Variants in RPTOR observed in about 807,000 individuals in gnomAD.
RPTOR encodes regulatory-associated protein of mTOR.
A neutral mutation model predicts 169.9 loss-of-function variants in RPTOR; 21 were observed. The observed-to-expected ratio is 0.12, with a 90% confidence interval of 0.09 to 0.18. The LOEUF is 0.18. RPTOR is among the 10% of genes least tolerant of loss of function. The probability of loss-of-function intolerance (pLI) is 1.00; values close to 1 mark genes in which losing one functional copy is unlikely to be tolerated. For synonymous variants in RPTOR, 732 were observed against 753.2 expected (o/e 0.97, Z 0.46); for missense variants, 1,133 against 1,855.9 (o/e 0.61, Z 7.16).
At position 80,960,429 on chromosome 17, in the gene RPTOR, C is replaced by G. The variant is rs948017520; in HGVS notation, c.3605+224C>G. 2.0e-5 allele frequency among the ~76,000 whole-genome samples: 3 copies of G among 152,240 alleles called. No homozygotes were observed. Among genetic ancestry groups the G allele is most frequent in the African/African-American group, 7.2e-5 (3 of 41,466 alleles). On this transcript the variant is annotated intron_variant, in intron 30 of 33. Transcript: ENST00000306801. The surrounding 1 kb of genome is among the most constrained non-coding windows in gnomAD (Gnocchi z 4.8). ...AAGGTCTGCCCCACAGAGGTCCACCCCACAGCCTATGGAGGAGCACAGGGG... is the reference window on the plus strand; with the variant it reads ...AAGGTCTGCCCCACAGAGGTCCACCGCACAGCCTATGGAGGAGCACAGGGG...
At chr17:80,848,879 C>A (rs2067761683) in intron 11 of RPTOR, among the ~76,000 whole-genome samples, 1 of 152,248 alleles carries the variant, frequency 6.6e-6, no homozygotes, top group Non-Finnish European at 1.5e-5. Context: ...AGAAGACGTG[C>A]TGGAGGCAGC....
intron 3 of RPTOR, among the ~76,000 whole-genome samples, chr17:80,674,461 G>A (rs1263354239): frequency 6.6e-6 from 1 of 152,202 alleles, no homozygotes; most frequent in Non-Finnish European, 1.5e-5. Context: ...ATGAAGAACT[G>A]GGGATTCTAG....
At chr17:80,672,389 T>C (rs905578042) in intron 3 of RPTOR, among the ~76,000 whole-genome samples, 1 of 148,092 alleles carries the variant, frequency 6.8e-6, no homozygotes, top group African/African-American at 2.5e-5. Flanking sequence ...TTTTTTTAAA[T>C]GGTTACCTCA....
In RPTOR at chr17:80,876,144, GCCGGGTCTT is replaced by G. The variant is rs1225042444; in HGVS notation, c.1510-4268_1510-4260del. On this transcript the variant is annotated intron_variant, in intron 13 of 33. Coordinates refer to ENST00000306801, the MANE Select transcript of RPTOR (RefSeq NM_020761.3). Reference sequence around the variant, plus strand: ...GCTGCCCAGGATGTGTGTGTCACCTGCCGGGTCTTCCACCGAGCCCGTGCCACGCAGGGT... The same window carrying G: ...GCTGCCCAGGATGTGTGTGTCACCTGCCACCGAGCCCGTGCCACGCAGGGT... Among the ~76,000 whole-genome samples, 26 of 136,136 alleles carry G rather than the reference GCCGGGTCTT, an allele frequency of 1.9e-4. 1 individual carries two copies. The highest frequency in any genetic ancestry group is 4.5e-4 in the East Asian group (2 of 4,398). The allele number at this position is 136,136 out of a possible 152,430, so 89.3% of individuals were successfully genotyped here.
intron 10 of RPTOR, among the ~76,000 whole-genome samples, chr17:80,838,426 C>G (rs535901946): frequency 6.6e-6 from 1 of 152,306 alleles, no homozygotes; most frequent in African/African-American, 2.4e-5. Flanking sequence ...ACTGCACGGG[C>G]GCTGGAGAGC....
rs551306138 is a variant in RPTOR at position 80,844,669 on chromosome 17, C to CT, written c.1213-1803dup. Reference sequence around the variant, plus strand: ...ATTCCTACGTGGTGAATGTTCTCGGCTGACTTTTTAAGTCGGGCCACGGGG... The same window carrying CT: ...ATTCCTACGTGGTGAATGTTCTCGGCTTGACTTTTTAAGTCGGGCCACGGGG... On this transcript the variant is annotated intron_variant, in intron 10 of 33. Coordinates refer to ENST00000306801, the MANE Select transcript of RPTOR (RefSeq NM_020761.3). The surrounding 1 kb of genome is among the most constrained non-coding windows in gnomAD (Gnocchi z 4.7). Among the ~76,000 whole-genome samples the CT allele has an allele frequency of 2.9e-3, 448 of 152,364 alleles. No individual in the cohort carries two copies. The highest frequency in any genetic ancestry group is 5.5e-3 in the Non-Finnish European group (375 of 68,044).
intron 3 of RPTOR, among the ~76,000 whole-genome samples, chr17:80,649,177 A>G (rs909444786): frequency 3.9e-5 from 6 of 152,192 alleles, no homozygotes; most frequent in Non-Finnish European, 7.3e-5. Flanking sequence ...AAGTTGCCCT[A>G]GGACAGTACT....
intron 3 of RPTOR, among the ~76,000 whole-genome samples, chr17:80,692,911 G>A (rs945934813): frequency 6.6e-6 from 1 of 152,176 alleles, no homozygotes; most frequent in South Asian, 2.1e-4. Flanking sequence ...TCTTCTGTAG[G>A]TCACCACTGA....
intron 10 of RPTOR, among the ~76,000 whole-genome samples, chr17:80,840,663 CAG>C (rs2067628065): frequency 8.4e-6 from 1 of 119,482 alleles, no homozygotes; most frequent in Non-Finnish European, 1.9e-5. Flanking sequence ...CACCACACCA[CAG>C]CTCACTCTCA....
chr17:80,865,781 T>C (rs989536591), intron 13 of RPTOR, among the ~76,000 whole-genome samples: 1 of 152,002 alleles, frequency 6.6e-6, no homozygotes, highest in African/African-American at 2.4e-5. Flanking sequence ...TAGTGGGGAC[T>C]TGAGCAGCAC....
At chr17:80,751,875 C>G (rs1289128610) in intron 5 of RPTOR, among the ~76,000 whole-genome samples, 1 of 152,214 alleles carries the variant, frequency 6.6e-6, no homozygotes, top group African/African-American at 2.4e-5. Flanking sequence ...AGGTGGCGCT[C>G]TCAGTCTGAA....
intron 1 of RPTOR, among the ~76,000 whole-genome samples, chr17:80,588,002 A>G (rs2065075958): frequency 1.3e-5 from 2 of 152,038 alleles, no homozygotes; most frequent in Non-Finnish European, 2.9e-5. Context: ...TAGATTTCTC[A>G]TGTAAGTGAC....
At chr17:80,847,497 T>C (rs2067745237) in intron 11 of RPTOR, among the ~76,000 whole-genome samples, 1 of 152,236 alleles carries the variant, frequency 6.6e-6, no homozygotes, top group South Asian at 2.1e-4. Context: ...AAGAACTCAC[T>C]TTAAAAGCTG....
intron 21 of RPTOR, among the ~76,000 whole-genome samples, chr17:80,922,089 C>T (rs9908270): frequency 6.6e-6 from 1 of 151,962 alleles, no homozygotes; most frequent in African/African-American, 2.4e-5. Flanking sequence ...CCTCCTGAAG[C>T]ACACGGGGGT....
intron 6 of RPTOR, among the ~76,000 whole-genome samples, chr17:80,776,080 T>G (rs1032196921): frequency 2.0e-5 from 3 of 152,138 alleles, no homozygotes; most frequent in African/African-American, 7.2e-5. Flanking sequence ...GCAGCTGTAG[T>G]CTCAGCTACG....
At chr17:80,630,361 C>G (rs7220261) in intron 2 of RPTOR, among the ~76,000 whole-genome samples, 28,826 of 152,198 alleles carry the variant, frequency 0.19, 3,148 homozygotes, top group East Asian at 0.28. Flanking sequence ...GTTATACCCA[C>G]TGCAACAGCA....
chr17:80,641,785 C>T (rs1351017804), intron 2 of RPTOR, among the ~76,000 whole-genome samples: 1 of 152,176 alleles, frequency 6.6e-6, no homozygotes, highest in Non-Finnish European at 1.5e-5. Context: ...GGTCCTGCCT[C>T]ATGTGGATGG....
intron 17 of RPTOR, among the ~76,000 whole-genome samples, chr17:80,887,654 T>C (rs1567968669): frequency 1.3e-5 from 2 of 152,116 alleles, no homozygotes; most frequent in African/African-American, 4.8e-5. Context: ...CCTGGCACCC[T>C]CTGGGGTGGG....
intron 1 of RPTOR, among the ~76,000 whole-genome samples, chr17:80,619,275 G>A (rs2065337443): frequency 6.6e-6 from 1 of 152,176 alleles, no homozygotes; most frequent in African/African-American, 2.4e-5. Context: ...GGGGACAGAA[G>A]GCAGTGATTG....
Sources: allele counts gnomAD v4.1 joint callset (sites outside exome capture counted in the v4.1 genomes callset), GRCh38; gene constraint gnomAD v4.1.1; non-coding constraint Gnocchi (gnomAD v3.1); transcripts MANE v1.5; gene names NCBI Gene and HGNC (gene_info 2026-07-23, HGNC 2026-07-21).